Variants in CFAP77 observed in about 807,000 individuals in gnomAD.
CFAP77 encodes the protein cilia and flagella associated protein 77.
Under a neutral mutation model 31.1 loss-of-function variants are expected in CFAP77, and 25 were observed. That is an observed-to-expected ratio of 0.80 (90% CI 0.59 to 1.12). The LOEUF (loss-of-function observed/expected upper bound fraction) is 1.12, where lower values mean the gene tolerates loss of function less well. Among genes scored for constraint, CFAP77 ranks in the 50% most tolerant of loss-of-function variants. The pLI is 0.00. For synonymous variants in CFAP77, 151 were observed against 159.9 expected (o/e 0.94, Z 0.42); for missense variants, 377 against 397.3 (o/e 0.95, Z 0.44).
intron 1 of CFAP77, among the ~76,000 whole-genome samples, chr9:132,487,077 C>T (rs931556711): frequency 3.9e-5 from 6 of 152,248 alleles, no homozygotes; most frequent in East Asian, 1.9e-4. Context: ...CCACGGTCCG[C>T]GGCTCCCTTT....
intron 1 of CFAP77, among the ~76,000 whole-genome samples, chr9:132,446,397 G>T (rs904041574): frequency 6.6e-6 from 1 of 151,470 alleles, no homozygotes; most frequent in African/African-American, 2.4e-5. Context: ...CCGATAGATC[G>T]CGTGTAGTGC....
chr9:132,514,899 G>C (rs1391515025), intron 3 of CFAP77, among the ~76,000 whole-genome samples: 3 of 152,172 alleles, frequency 2.0e-5, no homozygotes, highest in Non-Finnish European at 4.4e-5. Context: ...TAAGAAAAAG[G>C]CAATGAGGGG....
At chr9:132,431,925 C>T (rs1850417433) in intron 1 of CFAP77, among the ~76,000 whole-genome samples, 2 of 152,176 alleles carry the variant, frequency 1.3e-5, no homozygotes, top group African/African-American at 4.8e-5. Context: ...GTCTTATCCT[C>T]CCGAGTAGCT....
chr9:132,546,802 C>G (rs1589919404), intron 5 of CFAP77, among the ~76,000 whole-genome samples: 1 of 152,204 alleles, frequency 6.6e-6, no homozygotes, highest in Non-Finnish European at 1.5e-5. Context: ...TGGCGAGGGG[C>G]CCTCCTACCA....
chr9:132,534,455 A>G (rs1478171529), intron 3 of CFAP77, among the ~76,000 whole-genome samples: 1 of 151,782 alleles, frequency 6.6e-6, no homozygotes, highest in Non-Finnish European at 1.5e-5. Flanking sequence ...TACTAAAAAT[A>G]TGAAAAATTA....
At chr9:132,555,901 C>T (rs1344291964) in intron 5 of CFAP77, among the ~76,000 whole-genome samples, 1 of 151,944 alleles carries the variant, frequency 6.6e-6, no homozygotes. Flanking sequence ...TATCAAGCAC[C>T]CACGGCGTAC....
intron 3 of CFAP77, among the ~76,000 whole-genome samples, chr9:132,534,073 C>T (rs1413371797): frequency 1.3e-5 from 2 of 151,908 alleles, no homozygotes; most frequent in African/African-American, 4.8e-5. Context: ...TAACTGGGGT[C>T]AATTTTATGT....
chr9:132,445,596 G>A lies in CFAP77; in HGVS notation c.195+35130G>A, dbSNP rs368214111. On this transcript the variant is annotated intron_variant, in intron 1 of 5. Transcript: ENST00000393216. ...AAAACAAAATAAATATGCTGGGCGC[G>A]GTGGCTCACGCCTGTAATCCCAGCA... Among the ~76,000 whole-genome samples the A allele has an allele frequency of 2.0e-5, 3 of 152,156 alleles. No homozygotes were observed. In the South Asian group the frequency reaches 6.2e-4, roughly 32 times the overall value.
At chr9:132,452,615 G>A (rs1190810092) in intron 1 of CFAP77, among the ~76,000 whole-genome samples, 1 of 152,168 alleles carries the variant, frequency 6.6e-6, no homozygotes, top group Non-Finnish European at 1.5e-5. Flanking sequence ...CACTAACATT[G>A]GATTCTGCAC....
rs1255027581 is a variant in CFAP77 at position 132,459,322 on chromosome 9, T to C, written c.196-39373T>C. ...TCCTGACCTCGTGATCTGCCCGCCT[T>C]GGTCTCCCAAAGTGCTGGGATTACA... On this transcript the variant is annotated intron_variant, in intron 1 of 5. Transcript: ENST00000393216. Among the ~76,000 whole-genome samples the C allele has an allele frequency of 3.9e-5, 6 of 152,076 alleles. No individual in the cohort carries two copies. In the East Asian group the frequency reaches 7.7e-4, roughly 20 times the overall value.
chr9:132,557,722 G>A (rs1008357688), intron 5 of CFAP77, among the ~76,000 whole-genome samples: 1 of 152,112 alleles, frequency 6.6e-6, no homozygotes, highest in African/African-American at 2.4e-5. Flanking sequence ...AGGCTGCCGG[G>A]AGTCCATGCG....
At position 132,552,429 on chromosome 9, in the gene CFAP77, C is replaced by G. The variant is rs1231255923; in HGVS notation, c.732+9382C>G. 1.3e-5 allele frequency among the ~76,000 whole-genome samples: 2 copies of G among 152,174 alleles called. No individual in the cohort carries two copies. Among genetic ancestry groups the G allele is most frequent in the Non-Finnish European group, 1.5e-5 (1 of 68,026 alleles). ...GAGTCGAAGGCCCAGTGCGGTGGCT[C>G]ATGCCTGTAATCTCCCAGCACTTTG... On this transcript the variant is annotated intron_variant, in intron 5 of 5. Transcript: ENST00000393216. The surrounding 1 kb of genome is among the most constrained non-coding windows in gnomAD (Gnocchi z 5.5).
chr9:132,551,542 C>T (rs1279477517), intron 5 of CFAP77, among the ~76,000 whole-genome samples: 1 of 152,138 alleles, frequency 6.6e-6, no homozygotes, highest in African/African-American at 2.4e-5. Flanking sequence ...GTGATCCGCC[C>T]ACCTTGGCCT....
At chr9:132,412,582 G>T (rs960252111) in intron 1 of CFAP77, among the ~76,000 whole-genome samples, 2 of 149,272 alleles carry the variant, frequency 1.3e-5, no homozygotes, top group African/African-American at 2.5e-5. Context: ...CACCTCTGTT[G>T]TTTTTTTTGG....
chr9:132,538,714 G>C (rs1852588304), intron 4 of CFAP77, among the ~76,000 whole-genome samples: 1 of 152,118 alleles, frequency 6.6e-6, no homozygotes, highest in African/African-American at 2.4e-5. Flanking sequence ...GGAGGCGGAG[G>C]TTGCAGTGAG....
rs578091234 is a variant in CFAP77 at position 132,523,176 on chromosome 9, C to G, written c.525-14425C>G. ...GATCTCTGTTCACTGTAACCTCCGT[C>G]TTCCGGGTTCAAGCAATTCTCCTGC... On this transcript the variant is annotated intron_variant, in intron 3 of 5. Coordinates refer to ENST00000393216, the MANE Select transcript of CFAP77 (RefSeq NM_001282957.2). Among the ~76,000 whole-genome samples the G allele has an allele frequency of 2.6e-5, 4 of 151,834 alleles. No homozygotes were observed. In the South Asian group the frequency reaches 8.3e-4, roughly 32 times the overall value.
At chr9:132,440,148 T>C (rs958949311) in intron 1 of CFAP77, among the ~76,000 whole-genome samples, 1 of 151,842 alleles carries the variant, frequency 6.6e-6, no homozygotes, top group Non-Finnish European at 1.5e-5. Flanking sequence ...CTGGGCAACA[T>C]TGCGAAGCCC....
At chr9:132,457,026 C>T (rs1850928887) in intron 1 of CFAP77, among the ~76,000 whole-genome samples, 2 of 152,106 alleles carry the variant, frequency 1.3e-5, no homozygotes, top group Non-Finnish European at 2.9e-5. Context: ...ATTACAGGCA[C>T]CTGGCCCCAG....
At chr9:132,500,435 C>G (rs899025380) in intron 3 of CFAP77, among the ~76,000 whole-genome samples, 1 of 152,176 alleles carries the variant, frequency 6.6e-6, no homozygotes, top group African/African-American at 2.4e-5. Context: ...AAAGGGCACT[C>G]AACAAGTATT....
Sources: allele counts gnomAD v4.1 joint callset (sites outside exome capture counted in the v4.1 genomes callset), GRCh38; gene constraint gnomAD v4.1.1; non-coding constraint Gnocchi (gnomAD v3.1); transcripts MANE v1.5; gene names NCBI Gene and HGNC (gene_info 2026-07-23, HGNC 2026-07-21).